The following MINK1 variants were observed in gnomAD, a reference collection of about 807,000 sequenced individuals.
MINK1 encodes misshapen like kinase 1.
In MINK1, 46 loss-of-function variants were observed where a neutral mutation model predicts 178.4. That is an observed-to-expected ratio of 0.26 (90% confidence interval 0.20 to 0.33). MINK1 has a LOEUF of 0.33. Among genes scored for constraint, MINK1 ranks in the 10% least tolerant of loss-of-function variants. MINK1 has a pLI of 1.00. For missense variants in MINK1, 1,366 were observed against 1,814.9 expected (o/e 0.75, Z 4.49); for synonymous variants, 797 against 709.7 (o/e 1.12, Z -1.96).
At chr17:4,881,077 A>G in intron 3 of MINK1, 37 bp downstream of exon 3, 2 of 1,535,912 alleles carry the variant, frequency 1.3e-6, no homozygotes, top group Non-Finnish European at 1.7e-6. Flanking sequence ...GGGTCGGACC[A>G]GCGAGAAGGG....
chr17:4,870,584 G>C (rs901144371), intron 1 of MINK1, among the ~76,000 whole-genome samples: 4 of 151,948 alleles, frequency 2.6e-5, no homozygotes, highest in Admixed American at 2.0e-4. Flanking sequence ...CAGCACTTTG[G>C]GAGGCCAAGG....
At chr17:4,882,045 T>G (rs1967750090) in intron 4 of MINK1, among the ~76,000 whole-genome samples, 1 of 152,236 alleles carries the variant, frequency 6.6e-6, no homozygotes, top group Non-Finnish European at 1.5e-5. Context: ...CCAAGGCCCT[T>G]TGGCTTTTTG....
rs1351478001 is a variant in MINK1 at position 4,895,327 on chromosome 17, C to G, written c.3086-23C>G. On this transcript the variant is annotated intron_variant, in intron 25 of 31. Transcript: ENST00000355280. The surrounding 1 kb of genome is among the most constrained non-coding windows in gnomAD (Gnocchi z 4.3). Reference sequence around the variant, plus strand: ...GTGAGGGCCTGGCTGAGCCTCTGACCTGCCCAAGGGCTCCTGTTGCAGGGG... The same window carrying G: ...GTGAGGGCCTGGCTGAGCCTCTGACGTGCCCAAGGGCTCCTGTTGCAGGGG... 1.4e-5 allele frequency: 23 copies of G among 1,604,038 alleles called. No homozygotes were observed. The highest frequency in any genetic ancestry group is 2.0e-5 in the Non-Finnish European group (23 of 1,173,908).
intron 1 of MINK1, among the ~76,000 whole-genome samples, chr17:4,846,817 T>A (rs1446803213): frequency 2.0e-5 from 3 of 152,186 alleles, no homozygotes; most frequent in African/African-American, 7.2e-5. Flanking sequence ...ATGACAAGTG[T>A]GAGCCACAGG....
intron 1 of MINK1, among the ~76,000 whole-genome samples, chr17:4,837,929 G>C (rs1007175562): frequency 5.9e-5 from 9 of 152,194 alleles, no homozygotes; most frequent in Admixed American, 2.0e-4. Flanking sequence ...AAGTGTCTTC[G>C]CCTTCCTCCT....
Position 4,889,629 on chromosome 17 carries a change from A to G in MINK1, c.1231-18A>G. The G allele has an allele frequency of 2.6e-6, 4 of 1,567,126 alleles. No individual in the cohort carries two copies. The highest frequency in any genetic ancestry group is 3.5e-6 in the Non-Finnish European group (4 of 1,156,628). On this transcript the variant is annotated intron_variant, in intron 12 of 31. Coordinates refer to ENST00000355280, the MANE Select transcript of MINK1 (RefSeq NM_153827.5). The stretch of plus-strand genomic sequence containing the variant: ...GATGTCCGGTATGGTTCTTAAGACC[A>G]CCTGGCTCTCCCCACAGCAACAGCG...
intron 16 of MINK1, 68 bp downstream of exon 16, chr17:4,891,784 G>C: frequency 6.6e-7 from 1 of 1,506,572 alleles, no homozygotes; most frequent in Non-Finnish European, 8.9e-7. Context: ...GGGCAGTGAA[G>C]GGGCAGGCCA....
At chr17:4,865,609 G>T (rs1914836549) in intron 1 of MINK1, among the ~76,000 whole-genome samples, 1 of 151,606 alleles carries the variant, frequency 6.6e-6, no homozygotes, top group Admixed American at 6.6e-5. Context: ...AATAGGCTAG[G>T]CATGGTAGCT....
rs758847172 is a variant in MINK1, at chr17:4,891,458, C to T, written c.1743C>T (p.Ser581=). Residue 581 remains serine (S), a splice_region_variant and synonymous_variant, in exon 16 of 32, where the codon AGC becomes AGT. Coordinates refer to ENST00000355280, the MANE Select transcript of MINK1 (RefSeq NM_153827.5). ...PVEPQEGPHK[S]LVAHRVPLKP... Reference sequence around the variant, plus strand: ...CCCTCCCTGGTCTCTCCCTGCAGAGCCTGGTGGCACACCGGGTCCCACTGA... The same window carrying T: ...CCCTCCCTGGTCTCTCCCTGCAGAGTCTGGTGGCACACCGGGTCCCACTGA... The T allele has an allele frequency of 1.5e-5, 23 of 1,572,060 alleles. No individual in the cohort carries two copies. The highest frequency in any genetic ancestry group is 2.3e-5 in the East Asian group (1 of 44,262).
At position 4,892,454 on chromosome 17, in the gene MINK1, G is replaced by A. The variant is rs1453611600; in HGVS notation, c.2140G>A (p.Gly714Ser). Residue 714 changes from glycine (G) to serine (S), a missense_variant, in exon 18 of 32, where the codon GGC (glycine) becomes AGC (serine). Gly to Ser is a moderately conservative substitution (Grantham distance 56). This residue lies in a region of MINK1 where 709 missense variants were observed against 692.3 expected (regional missense o/e 1.02). Coordinates refer to ENST00000355280, the MANE Select transcript of MINK1 (RefSeq NM_153827.5). ...QIYLQRRAER[G>S]TPKPPGPPAQ... ...CTATCTGCAAAGGCGGGCAGAGCGG[G>A]GCACCCCAAAGCCTCCAGGGCCCCC... 1.9e-6 allele frequency: 3 copies of A among 1,566,216 alleles called. No individual in the cohort carries two copies. Among genetic ancestry groups the A allele is most frequent in the Non-Finnish European group, 2.6e-6 (3 of 1,156,556 alleles).
Position 4,896,530 on chromosome 17 carries a change from G to A in MINK1, c.3717G>A (p.Thr1239=), listed in dbSNP as rs760483343. The change falls in exon 30 of 32, where the codon ACG becomes ACA. Residue 1239 remains threonine (T), a synonymous_variant. Coordinates refer to ENST00000355280, the MANE Select transcript of MINK1 (RefSeq NM_153827.5). The surrounding 1 kb of genome is among the most constrained non-coding windows in gnomAD (Gnocchi z 4.6). ...AGGACGAGGGTGTCTACGTCAACAC[G>A]TACGGGCGCATCATTAAGGATGTGG... The part of the protein sequence containing the change: ...CYEDEGVYVN[T]YGRIIKDVVL... 16 of 1,613,836 alleles carry A rather than the reference G, an allele frequency of 9.9e-6. No homozygotes were observed. In the Admixed American group the frequency reaches 1.0e-4, roughly 10 times the overall value.
In MINK1 at chr17:4,897,351, G is replaced by A. The variant is rs970073867; in HGVS notation, c.*64G>A. The A allele has an allele frequency of 2.3e-5, 34 of 1,487,662 alleles. No individual in the cohort carries two copies. Among genetic ancestry groups the A allele is most frequent in the South Asian group, 3.5e-5 (3 of 86,630 alleles). 92.2% of individuals were successfully genotyped at this position (1,487,662 alleles called of 1,614,324 possible). A position where few individuals can be genotyped will look rare whatever the true frequency, so the allele number is the denominator to read the frequency against. On this transcript the variant is annotated 3_prime_UTR_variant, in exon 32 of 32. Coordinates refer to ENST00000355280, the MANE Select transcript of MINK1 (RefSeq NM_153827.5). ...CTCTCCCCCTGCAGCCAGGCTTCCC[G>A]GGCCGCCCCTCTTTCCCCTCCCTGG...
At chr17:4,861,781 T>A in intron 1 of MINK1, 1 of 172,940 alleles carries the variant, frequency 5.8e-6, no homozygotes, top group South Asian at 8.4e-5. Context: ...GATTACAGGG[T>A]GAGCCACCAT....
At position 4,887,716 on chromosome 17, in the gene MINK1, C is replaced by T. The variant is rs1179846308; in HGVS notation, c.1156C>T (p.His386Tyr). 1 of 1,556,376 alleles carries T rather than the reference C, an allele frequency of 6.4e-7. No individual in the cohort carries two copies. Among genetic ancestry groups the T allele is most frequent in the Non-Finnish European group, 8.7e-7 (1 of 1,150,800 alleles). ...GCAGCAGCAGCGAGACCCCGAGGCA[C>T]ACATCAAACACCTGCTGCACCAGCG... The part of the protein sequence containing the change: ...QQQQQRDPEA[H>Y]IKHLLHQRQR... The change falls in exon 12 of 32, where the codon CAC becomes TAC. Residue 386 changes from histidine to tyrosine, a missense_variant. By Grantham distance (83) the His-to-Tyr change is moderately conservative (BLOSUM62 2). Transcript: ENST00000355280. This position sits in a 1 kb window ranked among gnomAD's most constrained non-coding sequence, Gnocchi z 7.6.
chr17:4,879,197 T>C (rs1967470749), intron 2 of MINK1, among the ~76,000 whole-genome samples: 1 of 151,604 alleles, frequency 6.6e-6, no homozygotes, highest in African/African-American at 2.4e-5. Context: ...GACACTTGGA[T>C]TGTGGGAGCC....
intron 1 of MINK1, among the ~76,000 whole-genome samples, chr17:4,851,993 C>CAGTTTTTTTTTTTTTTTTTTTTTTTTTTT (rs1324160552): frequency 1.3e-5 from 1 of 79,660 alleles, no homozygotes; most frequent in African/African-American, 5.9e-5. Context: ...GAGTGAGACT[C>CAGTTTTTTTTTTTTTTTTTTTTTTTTTTT]TGTCTCAAAA....
intron 1 of MINK1, chr17:4,875,206 T>C (rs1244949561): frequency 5.8e-6 from 3 of 519,278 alleles, no homozygotes; most frequent in Non-Finnish European, 1.2e-5. Context: ...GAGATGACTT[T>C]TTTCAGGTTC....
intron 1 of MINK1, among the ~76,000 whole-genome samples, chr17:4,858,971 C>T (rs920370406): frequency 6.6e-6 from 1 of 151,098 alleles, no homozygotes; most frequent in Admixed American, 6.6e-5. Flanking sequence ...CCGGGATTCC[C>T]CCCGGCCCCT....
chr17:4,880,629 G>T (rs1347982269), intron 2 of MINK1, among the ~76,000 whole-genome samples: 1 of 149,422 alleles, frequency 6.7e-6, no homozygotes. Flanking sequence ...GCCGGGCGCG[G>T]TGGCTCATGC....
Sources: allele counts gnomAD v4.1 joint callset (sites outside exome capture counted in the v4.1 genomes callset), GRCh38; gene constraint gnomAD v4.1.1; regional missense constraint gnomAD v4.1.1; non-coding constraint Gnocchi (gnomAD v3.1); transcripts MANE v1.5; gene names NCBI Gene and HGNC (gene_info 2026-07-23, HGNC 2026-07-21).